The following CNTNAP2 variants were observed in gnomAD, a reference collection of about 807,000 sequenced individuals.
The protein encoded by CNTNAP2 is contactin-associated protein-like 2.
CNTNAP2 carries 98 observed loss-of-function variants against 155.2 expected under a neutral mutation model. That is an observed-to-expected ratio of 0.63 (90% CI 0.54 to 0.75). The LOEUF is 0.75. CNTNAP2 is among the 30% of genes least tolerant of loss of function. The pLI, the probability that CNTNAP2 is intolerant of heterozygous loss-of-function variation, is 0.00. For missense variants in CNTNAP2, 1,727 were observed against 1,688.1 expected (o/e 1.02, Z -0.40); for synonymous variants, 651 against 631.2 (o/e 1.03, Z -0.47).
At chr7:147,723,632 C>T (rs1325365080) in intron 13 of CNTNAP2, among the ~76,000 whole-genome samples, 1 of 151,840 alleles carries the variant, frequency 6.6e-6, no homozygotes, top group Non-Finnish European at 1.5e-5. Flanking sequence ...GATCAGTCTG[C>T]ATCTGTCCCT....
At chr7:147,200,289 C>G (rs1177266736) in intron 8 of CNTNAP2, among the ~76,000 whole-genome samples, 1 of 152,154 alleles carries the variant, frequency 6.6e-6, no homozygotes, top group Non-Finnish European at 1.5e-5. Flanking sequence ...GCTTACAAAC[C>G]AACAAGCTTG....
chr7:146,354,311 A>G (rs1204103234), intron 1 of CNTNAP2, among the ~76,000 whole-genome samples: 1 of 152,222 alleles, frequency 6.6e-6, no homozygotes, highest in African/African-American at 2.4e-5. Context: ...TAAACTTGAA[A>G]ACACCTAAAT....
chr7:146,657,029 A>T (rs1004544434), intron 1 of CNTNAP2, among the ~76,000 whole-genome samples: 2 of 152,172 alleles, frequency 1.3e-5, no homozygotes, highest in African/African-American at 4.8e-5. Flanking sequence ...AGATTAAGCT[A>T]CTAATGAAGA....
At chr7:147,177,967 T>G (rs997932742) in intron 8 of CNTNAP2, among the ~76,000 whole-genome samples, 1 of 152,136 alleles carries the variant, frequency 6.6e-6, no homozygotes, top group Non-Finnish European at 1.5e-5. Flanking sequence ...CCCACCTGAC[T>G]ATAATACTTA....
chr7:148,414,428 T>TC (rs1224406297), intron 23 of CNTNAP2, among the ~76,000 whole-genome samples: 33 of 143,624 alleles, frequency 2.3e-4, no homozygotes, highest in Non-Finnish European at 3.1e-5. Flanking sequence ...TCATTTTTTT[T>TC]CCCCTCATTT....
intron 21 of CNTNAP2, among the ~76,000 whole-genome samples, chr7:148,280,342 G>A (rs575258968): frequency 6.6e-6 from 1 of 152,256 alleles, no homozygotes; most frequent in African/African-American, 2.4e-5. Context: ...AGATTCTTCT[G>A]CAGTGGGAAT....
chr7:146,483,236 A>G (rs1262521516), intron 1 of CNTNAP2, among the ~76,000 whole-genome samples: 1 of 141,036 alleles, frequency 7.1e-6, no homozygotes, highest in African/African-American at 2.6e-5. Context: ...AGATCGCGCC[A>G]CTGCACTCCA....
At chr7:146,835,023 G>A (rs1803589135) in intron 2 of CNTNAP2, among the ~76,000 whole-genome samples, 1 of 152,100 alleles carries the variant, frequency 6.6e-6, no homozygotes, top group Non-Finnish European at 1.5e-5. Context: ...TCCCCTTGAG[G>A]TTAATCACTA....
intron 1 of CNTNAP2, among the ~76,000 whole-genome samples, chr7:146,389,703 C>CTTTTTTTT (rs750823074): frequency 7.8e-6 from 1 of 129,008 alleles, no homozygotes; most frequent in Non-Finnish European, 1.7e-5. Flanking sequence ...TTTCTTTTTT[C>CTTTTTTTT]TTTTTTTTTT....
intron 11 of CNTNAP2, among the ~76,000 whole-genome samples, chr7:147,514,284 A>T (rs851843): frequency 0.67 from 101,704 of 151,808 alleles, 34,419 homozygotes; most frequent in South Asian, 0.77. Flanking sequence ...ATATATAGAT[A>T]TGGATATTAT....
At chr7:147,568,061 G>A (rs1800210052) in intron 12 of CNTNAP2, among the ~76,000 whole-genome samples, 1 of 152,110 alleles carries the variant, frequency 6.6e-6, no homozygotes, top group African/African-American at 2.4e-5. Context: ...ACTGCAGCCT[G>A]GGCAACACAG....
intron 3 of CNTNAP2, among the ~76,000 whole-genome samples, chr7:146,885,001 G>A (rs1367866267): frequency 6.6e-6 from 1 of 151,990 alleles, no homozygotes; most frequent in Admixed American, 6.6e-5. Context: ...ATCAATGGTG[G>A]TCTAATGAAA....
intron 14 of CNTNAP2, among the ~76,000 whole-genome samples, chr7:147,936,081 C>T (rs1460155460): frequency 6.6e-6 from 1 of 152,120 alleles, no homozygotes; most frequent in Non-Finnish European, 1.5e-5. Context: ...AAAATAACTA[C>T]ACCTATCTTG....
chr7:147,291,754 A>G (rs1805317408), intron 8 of CNTNAP2, among the ~76,000 whole-genome samples: 1 of 152,308 alleles, frequency 6.6e-6, no homozygotes, highest in Non-Finnish European at 1.5e-5. Flanking sequence ...TACTCCAACC[A>G]GCAATGCATG....
Position 148,343,366 on chromosome 7 carries a change from C to T in CNTNAP2, c.3476-40283C>T, listed in dbSNP as rs185869212. ...CAGTACAGTGCTTCTCAGACTAGGT[C>T]GTCTCAGCATTTGTCAATGTATTTT... On this transcript the variant is annotated intron_variant, in intron 21 of 23. Coordinates refer to ENST00000361727, the MANE Select transcript of CNTNAP2 (RefSeq NM_014141.6). 2.2e-4 allele frequency among the ~76,000 whole-genome samples: 34 copies of T among 152,312 alleles called. No individual in the cohort carries two copies. The East Asian group carries it at 5.8e-3, about 26-fold the overall frequency.
intron 13 of CNTNAP2, among the ~76,000 whole-genome samples, chr7:147,882,964 A>G (rs921009000): frequency 1.3e-5 from 2 of 152,208 alleles, no homozygotes; most frequent in African/African-American, 2.4e-5. Context: ...GCTTTTGTAA[A>G]TGTAATCAGC....
chr7:147,211,522 T>C (rs1803145751), intron 8 of CNTNAP2, among the ~76,000 whole-genome samples: 1 of 151,962 alleles, frequency 6.6e-6, no homozygotes, highest in African/African-American at 2.4e-5. Context: ...ACACCTCCAA[T>C]AATATGGTCT....
In CNTNAP2 at chr7:147,711,912, C is replaced by T. The variant is rs1796405531; in HGVS notation, c.2098+72606C>T. On this transcript the variant is annotated intron_variant, in intron 13 of 23. Coordinates refer to ENST00000361727, the MANE Select transcript of CNTNAP2 (RefSeq NM_014141.6). Reference sequence around the variant, plus strand: ...AAAATACTGCTTTTTTATGGTAACTCTCCATTCAAGAACTTATTATAATAG... The same window carrying T: ...AAAATACTGCTTTTTTATGGTAACTTTCCATTCAAGAACTTATTATAATAG... Among the ~76,000 whole-genome samples the T allele has an allele frequency of 3.9e-5, 6 of 152,278 alleles. No individual in the cohort carries two copies. In the South Asian group the frequency reaches 1.2e-3, roughly 32 times the overall value.
rs1554431642 is a variant in CNTNAP2, at chr7:148,409,373, C to CTTTT, written c.3716-17_3716-16insTTTT. The CTTTT allele has an allele frequency of 4.6e-6, 4 of 866,280 alleles. No homozygotes were observed. The African/African-American group carries it at 1.4e-4, about 29-fold the overall frequency. The allele number at this position is 866,280 out of a possible 1,614,324, so 53.7% of individuals were successfully genotyped here. A position where few individuals can be genotyped will look rare whatever the true frequency, so the allele number is the denominator to read the frequency against. On this transcript the variant is annotated splice_polypyrimidine_tract_variant and intron_variant, in intron 22 of 23. Coordinates refer to ENST00000361727, the MANE Select transcript of CNTNAP2 (RefSeq NM_014141.6). ...TAGTATACTTGACTCTGACACTTGA[C>CTTTT]TCTTTCTTTCTCTACAGCCAGTGCG...
Sources: gnomAD v4.1 joint callset for allele counts (sites outside exome capture counted in the v4.1 genomes callset) on GRCh38, gnomAD v4.1.1 for gene constraint, MANE v1.5 for transcripts, NCBI Gene and HGNC (gene_info 2026-07-23, HGNC 2026-07-21) for gene names.